QTMAN: variants seen among roughly 807,000 people sequenced by gnomAD.
QTMAN encodes the protein tRNA-queuosine alpha-mannosyltransferase.
At chr2:144,302,250 T>C in the QTMAN span, among the ~76,000 whole-genome samples, 8 of 151,542 alleles carry the variant, frequency 5.3e-5, no homozygotes, top group African/African-American at 1.5e-4. Context: ...TATAATTATA[T>C]ACATATATAT....
chr2:144,034,203 G>A, the QTMAN span, among the ~76,000 whole-genome samples: 8 of 152,210 alleles, frequency 5.3e-5, no homozygotes, highest in Non-Finnish European at 8.8e-5. Context: ...CAAAATTCTG[G>A]GATAATTTTT....
At chr2:144,027,673 A>C in the QTMAN span, among the ~76,000 whole-genome samples, 1 of 152,228 alleles carries the variant, frequency 6.6e-6, no homozygotes, top group South Asian at 2.1e-4. Flanking sequence ...TCTAAACTTT[A>C]AAGCAGTGCT....
chr2:144,150,342 A>G, the QTMAN span, among the ~76,000 whole-genome samples: 1 of 151,216 alleles, frequency 6.6e-6, no homozygotes, highest in African/African-American at 2.4e-5. Context: ...CTTGATATCT[A>G]CTCTCTAGGA....
At chr2:144,122,575 C>T in the QTMAN span, among the ~76,000 whole-genome samples, 1 of 152,196 alleles carries the variant, frequency 6.6e-6, no homozygotes, top group South Asian at 2.1e-4. Context: ...TAAAGTTTTA[C>T]AGTATTATGT....
chr2:144,207,608 T>TA, the QTMAN span, among the ~76,000 whole-genome samples: 3 of 152,130 alleles, frequency 2.0e-5, no homozygotes, highest in East Asian at 1.9e-4. Context: ...ATATAACACT[T>TA]AAAGTTTTAT....
chr2:144,182,828 A>AATATATATATATTATATATATATTTTAT, the QTMAN span, among the ~76,000 whole-genome samples: 1 of 67,212 alleles, frequency 1.5e-5, no homozygotes, highest in Non-Finnish European at 2.6e-5. Flanking sequence ...TTATATATAT[A>AATATATATATATTATATATATATTTTAT]ATATATATAT....
At chr2:143,980,283 T>C in the QTMAN span, among the ~76,000 whole-genome samples, 1 of 152,188 alleles carries the variant, frequency 6.6e-6, no homozygotes. Flanking sequence ...GAACATGCAA[T>C]GTCTGGTTTT....
At chr2:144,045,578 T>G in the QTMAN span, among the ~76,000 whole-genome samples, 2 of 152,160 alleles carry the variant, frequency 1.3e-5, no homozygotes, top group Non-Finnish European at 2.9e-5. Flanking sequence ...CATGAATGTA[T>G]CCACTGGAGT....
At chr2:144,133,191 TTA>T in the QTMAN span, among the ~76,000 whole-genome samples, 2,318 of 34,972 alleles carry the variant, frequency 0.066, 43 homozygotes, top group African/African-American at 0.098. Context: ...TAATATAAAT[TTA>T]TATATATATA....
At chr2:144,284,875 A>C in the QTMAN span, among the ~76,000 whole-genome samples, 17 of 152,016 alleles carry the variant, frequency 1.1e-4, no homozygotes, top group Non-Finnish European at 2.2e-4. Flanking sequence ...TCTATAAAAA[A>C]ATTTTAGGCC....
the QTMAN span, among the ~76,000 whole-genome samples, chr2:144,059,193 CAT>C: frequency 6.6e-6 from 1 of 152,144 alleles, no homozygotes; most frequent in Non-Finnish European, 1.5e-5. Flanking sequence ...CAGAACATGC[CAT>C]AGTTTTTGTG....
the QTMAN span, among the ~76,000 whole-genome samples, chr2:144,215,273 T>TACACAC: frequency 1.4e-5 from 2 of 143,790 alleles, no homozygotes; most frequent in African/African-American, 2.6e-5. Flanking sequence ...TATATATATA[T>TACACAC]ACACACACAC....
chr2:144,042,185 G>A, the QTMAN span, among the ~76,000 whole-genome samples: 9 of 152,112 alleles, frequency 5.9e-5, no homozygotes, highest in Non-Finnish European at 4.4e-5. Flanking sequence ...CAGGCCTGCT[G>A]GGTGCAGAGG....
At chr2:143,993,155 T>G in the QTMAN span, among the ~76,000 whole-genome samples, 2 of 152,194 alleles carry the variant, frequency 1.3e-5, 1 homozygote, top group South Asian at 4.1e-4. Flanking sequence ...TTTATTTGAT[T>G]AATAGGTACT....
the QTMAN span, among the ~76,000 whole-genome samples, chr2:144,095,090 C>T: frequency 6.6e-6 from 1 of 152,186 alleles, no homozygotes; most frequent in Admixed American, 6.5e-5. Context: ...GCCCCAGCCC[C>T]TTTACTTCAG....
chr2:144,260,352 G>A, the QTMAN span, among the ~76,000 whole-genome samples: 1 of 151,714 alleles, frequency 6.6e-6, no homozygotes, highest in Non-Finnish European at 1.5e-5. Flanking sequence ...TGTGGGTGTG[G>A]GTATGCAGAA....
At chr2:144,196,826 A>T in the QTMAN span, among the ~76,000 whole-genome samples, 4 of 152,278 alleles carry the variant, frequency 2.6e-5, no homozygotes, top group African/African-American at 9.6e-5. Context: ...TCACTCTGAG[A>T]TCTAGCATAA....
the QTMAN span, among the ~76,000 whole-genome samples, chr2:143,980,621 T>C: frequency 6.6e-6 from 1 of 152,346 alleles, no homozygotes; most frequent in African/African-American, 2.4e-5. Context: ...CAATGACAAC[T>C]CATTTATAAC....
chr2:144,141,590 A>G, the QTMAN span, among the ~76,000 whole-genome samples: 1 of 145,540 alleles, frequency 6.9e-6, no homozygotes, highest in Non-Finnish European at 1.5e-5. Flanking sequence ...TTCTGTAACA[A>G]AAAAAAAAAA....
Sources: allele counts gnomAD v4.1 joint callset (sites outside exome capture counted in the v4.1 genomes callset), GRCh38; gene constraint gnomAD v4.1.1; transcripts MANE v1.5; gene names NCBI Gene and HGNC (gene_info 2026-07-23, HGNC 2026-07-21).